Variants in DYNAP observed in about 807,000 individuals in gnomAD.
DYNAP encodes the protein dynactin-associated protein.
In DYNAP, 7 loss-of-function variants were observed where a neutral mutation model predicts 8.5. That is an observed-to-expected ratio of 0.82 (90% CI 0.47 to 1.54). DYNAP has a LOEUF of 1.54. Among genes scored for constraint, DYNAP ranks in the 40% most tolerant of loss-of-function variants. The probability of loss-of-function intolerance (pLI) is 0.01; values close to 1 mark genes in which losing one functional copy is unlikely to be tolerated. For missense variants in DYNAP, 256 were observed against 224.3 expected (o/e 1.14, Z -0.90); for synonymous variants, 77 against 77.9 (o/e 0.99, Z 0.06).
At chr18:54,592,149 T>C (rs1690874317) in intron 1 of DYNAP, among the ~76,000 whole-genome samples, 1 of 152,104 alleles carries the variant, frequency 6.6e-6, no homozygotes, top group Non-Finnish European at 1.5e-5. Context: ...AAGAATCCTA[T>C]AGAGGATTTC....
chr18:54,591,131 T>A (rs1599448719), upstream of DYNAP: 12 of 1,399,652 alleles, frequency 8.6e-6, no homozygotes, highest in East Asian at 2.8e-4. Flanking sequence ...TTTTAGTGAA[T>A]AATTAGTATT....
upstream of DYNAP, chr18:54,587,745 G>T (rs1014549638): frequency 3.8e-5 from 15 of 398,718 alleles, no homozygotes; most frequent in East Asian, 3.6e-5. Context: ...TTTATTTTGG[G>T]TCTCTCCATA....
chr18:54,592,202 G>A (rs1294811233), intron 1 of DYNAP, among the ~76,000 whole-genome samples: 1 of 150,546 alleles, frequency 6.6e-6, no homozygotes, highest in East Asian at 1.9e-4. Context: ...CTGGGCTGGT[G>A]TCTGGAAGTC....
chr18:54,576,372 G>C, the DYNAP span, among the ~76,000 whole-genome samples: 2 of 152,034 alleles, frequency 1.3e-5, no homozygotes, highest in Non-Finnish European at 2.9e-5. Flanking sequence ...TAATAATGAG[G>C]GTTCAGTGGA....
Position 54,598,329 on chromosome 18 carries a change from CA to C in DYNAP, c.*186del, listed in dbSNP as rs953075674. On this transcript the variant is annotated 3_prime_UTR_variant, in exon 3 of 3. Coordinates refer to ENST00000648945, the MANE Select transcript of DYNAP (RefSeq NM_173629.3). ...CCTACTTCAACTTAAACTTACTTGA[CA>C]ACTCAAATAATCACCACTTCGACCA... 5.0e-6 allele frequency: 3 copies of C among 605,306 alleles called. No individual in the cohort carries two copies. The Admixed American group carries it at 9.4e-5, about 19-fold the overall frequency. The allele number at this position is 605,306 out of a possible 1,614,324, so 37.5% of individuals were successfully genotyped here.
At chr18:54,590,352 T>A (rs1911022199), upstream of DYNAP, among the ~76,000 whole-genome samples, 1 of 152,190 alleles carries the variant, frequency 6.6e-6, no homozygotes, top group Non-Finnish European at 1.5e-5. Context: ...TTTAAACTCC[T>A]CTTTAGAACA....
the DYNAP span, among the ~76,000 whole-genome samples, chr18:54,577,360 G>C: frequency 6.6e-6 from 1 of 152,196 alleles, no homozygotes; most frequent in East Asian, 1.9e-4. Flanking sequence ...ACCCAGGTGA[G>C]AGGACCACTT....
chr18:54,584,305 TTTAA>T (rs1179636128), upstream of DYNAP, among the ~76,000 whole-genome samples: 1 of 148,702 alleles, frequency 6.7e-6, no homozygotes, highest in Admixed American at 6.7e-5. Context: ...AATATAAATA[TTTAA>T]TAAATATGCC....
chr18:54,595,986 A>C (rs1297108422), intron 2 of DYNAP, among the ~76,000 whole-genome samples: 1 of 152,142 alleles, frequency 6.6e-6, no homozygotes, highest in Non-Finnish European at 1.5e-5. Context: ...TTGTTTGCAG[A>C]GGTAAAGTAA....
At chr18:54,581,334 G>A in the DYNAP span, among the ~76,000 whole-genome samples, 2 of 152,154 alleles carry the variant, frequency 1.3e-5, no homozygotes, top group Non-Finnish European at 2.9e-5. Context: ...AAGAAATAAC[G>A]ATGCAAGATA....
upstream of DYNAP, among the ~76,000 whole-genome samples, chr18:54,583,075 C>CT (rs1006069148): frequency 8.8e-4 from 134 of 151,958 alleles, 1 homozygote; most frequent in African/African-American, 3.0e-3. Context: ...TGGAATCACT[C>CT]TTTTTTTTCT....
chr18:54,576,592 A>G, the DYNAP span, among the ~76,000 whole-genome samples: 1 of 152,074 alleles, frequency 6.6e-6, no homozygotes, highest in African/African-American at 2.4e-5. Context: ...TGAGCCCAGG[A>G]GTTCGAGACC....
At chr18:54,576,295 A>T in the DYNAP span, among the ~76,000 whole-genome samples, 3 of 152,154 alleles carry the variant, frequency 2.0e-5, no homozygotes, top group Admixed American at 2.0e-4. Flanking sequence ...GTAGATGTAT[A>T]CAGAGCCTTC....
chr18:54,595,120 G>C lies in DYNAP; in HGVS notation c.222+17G>C, dbSNP rs751840690. The C allele has an allele frequency of 1.1e-5, 17 of 1,600,466 alleles. 1 individual carries two copies. The South Asian group carries it at 1.7e-4, about 16-fold the overall frequency. Reference sequence around the variant, plus strand: ...AACACACAGGTAATGTGTAGCACGGGAGCTTTTATTCAAGTTGGGATGTGC... The same window carrying C: ...AACACACAGGTAATGTGTAGCACGGCAGCTTTTATTCAAGTTGGGATGTGC... On this transcript the variant is annotated intron_variant, in intron 2 of 2. Transcript: ENST00000648945.
At position 54,598,113 on chromosome 18, in the gene DYNAP, C is replaced by T. The variant is rs776084407; in HGVS notation, c.523C>T (p.Pro175Ser). Residue 175 changes from proline (P) to serine (S), a missense_variant, in exon 3 of 3, where the codon CCT becomes TCT. Coordinates refer to ENST00000648945, the MANE Select transcript of DYNAP (RefSeq NM_173629.3). ...TACAGCTGCCACCACTTCCACAGAA[C>T]CTATAACTGTTGCACCTACCGATCA... ...TATAATTSTE[P>S]ITVAPTDHL 10 of 1,612,660 alleles carry T rather than the reference C, an allele frequency of 6.2e-6. No individual in the cohort carries two copies. Among genetic ancestry groups the T allele is most frequent in the Non-Finnish European group, 8.5e-6 (10 of 1,179,360 alleles).
upstream of DYNAP, among the ~76,000 whole-genome samples, chr18:54,589,557 T>C (rs556403297): frequency 1.3e-5 from 2 of 152,294 alleles, no homozygotes; most frequent in Admixed American, 6.5e-5. Flanking sequence ...TTCCTTTTGA[T>C]TTTAAATTTT....
upstream of DYNAP, chr18:54,591,122 T>C (rs934507142): frequency 7.3e-7 from 1 of 1,372,612 alleles, no homozygotes; most frequent in Non-Finnish European, 9.7e-7. Flanking sequence ...TGGATCCTGT[T>C]TTAGTGAATA....
At chr18:54,585,889 CTT>C (rs1910860113), upstream of DYNAP, among the ~76,000 whole-genome samples, 1 of 152,172 alleles carries the variant, frequency 6.6e-6, no homozygotes. Context: ...CAAGTCCTAA[CTT>C]TGAACTCTGA....
rs1395488333 is a variant in DYNAP at position 54,595,034 on chromosome 18, TG to T, written c.157del (p.Val53SerfsTer3). On this transcript the variant is annotated frameshift_variant, in exon 2 of 3. Coordinates refer to ENST00000648945, the MANE Select transcript of DYNAP (RefSeq NM_173629.3). LOFTEE classifies it high-confidence loss of function. Reference sequence around the variant, plus strand: ...CCAGTGATGTCTCTCCCAACTTAACTGGGGTCTGCGTGAACCCAGGAATCCT... The same window carrying T: ...CCAGTGATGTCTCTCCCAACTTAACTGGGTCTGCGTGAACCCAGGAATCCT... ...ITSDVSPNLT[G>X]VCVNPGILAH... 2 of 1,612,900 alleles carry T rather than the reference TG, an allele frequency of 1.2e-6. No individual in the cohort carries two copies. The highest frequency in any genetic ancestry group is 1.7e-6 in the Non-Finnish European group (2 of 1,179,184).
Sources: allele counts gnomAD v4.1 joint callset (sites outside exome capture counted in the v4.1 genomes callset), GRCh38; gene constraint gnomAD v4.1.1; transcripts MANE v1.5; gene names NCBI Gene and HGNC (gene_info 2026-07-23, HGNC 2026-07-21).